The following NAALADL2 variants were observed in gnomAD, a reference collection of about 807,000 sequenced individuals.
NAALADL2 encodes the protein inactive N-acetylated-alpha-linked acidic dipeptidase-like protein 2.
Under a neutral mutation model 87.2 loss-of-function variants are expected in NAALADL2, and 76 were observed. The ratio of observed to expected loss-of-function variants is 0.87; its 90% confidence interval spans 0.72 to 1.05. The LOEUF is 1.05. NAALADL2 is among the 50% of genes least tolerant of loss of function. NAALADL2 has a pLI of 0.00. For synonymous variants in NAALADL2, 354 were observed against 331.0 expected (o/e 1.07, Z -0.75); for missense variants, 1,089 against 945.8 (o/e 1.15, Z -1.99).
intron 2 of NAALADL2, among the ~76,000 whole-genome samples, chr3:174,736,961 T>G (rs997449375): frequency 3.3e-5 from 5 of 152,200 alleles, no homozygotes; most frequent in Non-Finnish European, 7.3e-5. Flanking sequence ...GCCCCAAGCC[T>G]GCGCACACCC....
At chr3:175,061,728 A>AATAT (rs149495848) in intron 1 of NAALADL2, among the ~76,000 whole-genome samples, 5,223 of 141,478 alleles carry the variant, frequency 0.037, 117 homozygotes, top group African/African-American at 0.053. Context: ...CACTTGCACA[A>AATAT]ATATATATAT....
At chr3:174,611,977 T>C (rs1013725281) in intron 2 of NAALADL2, among the ~76,000 whole-genome samples, 2 of 152,096 alleles carry the variant, frequency 1.3e-5, no homozygotes, top group African/African-American at 2.4e-5. Context: ...AGGACAGATC[T>C]TGTGTTGACA....
At chr3:175,245,345 A>C (rs1747772224) in intron 3 of NAALADL2, among the ~76,000 whole-genome samples, 1 of 152,212 alleles carries the variant, frequency 6.6e-6, no homozygotes, top group South Asian at 2.1e-4. Flanking sequence ...GAAATATTAG[A>C]TTAAACTTGC....
intron 2 of NAALADL2, among the ~76,000 whole-genome samples, chr3:174,603,317 T>A (rs1159734122): frequency 6.6e-6 from 1 of 152,072 alleles, no homozygotes; most frequent in Non-Finnish European, 1.5e-5. Flanking sequence ...GGTTTTGGAT[T>A]TCTTCATGGT....
intron 3 of NAALADL2, among the ~76,000 whole-genome samples, chr3:174,808,255 A>C (rs2109281771): frequency 6.6e-6 from 1 of 152,232 alleles, no homozygotes; most frequent in Non-Finnish European, 1.5e-5. Flanking sequence ...CAATATAAAA[A>C]TTGAAGTCTA....
intron 1 of NAALADL2, among the ~76,000 whole-genome samples, chr3:175,052,370 C>A (rs573246837): frequency 9.2e-5 from 14 of 152,150 alleles, no homozygotes; most frequent in Non-Finnish European, 1.9e-4. Flanking sequence ...CAGTTTATGG[C>A]CAGATTTTGT....
chr3:175,055,922 C>T (rs1051558272), intron 1 of NAALADL2, among the ~76,000 whole-genome samples: 2 of 152,148 alleles, frequency 1.3e-5, no homozygotes, highest in South Asian at 2.1e-4. Flanking sequence ...AATGTGCTTT[C>T]CTGAATTTAA....
At chr3:174,510,750 A>AT (rs1302797614) in intron 1 of NAALADL2, among the ~76,000 whole-genome samples, 2 of 151,104 alleles carry the variant, frequency 1.3e-5, no homozygotes, top group African/African-American at 4.9e-5. Context: ...TTAGGGTTCA[A>AT]TTTTTTTACT....
intron 1 of NAALADL2, among the ~76,000 whole-genome samples, chr3:174,514,456 A>T (rs1422861516): frequency 6.6e-6 from 1 of 152,310 alleles, no homozygotes; most frequent in East Asian, 1.9e-4. Context: ...ATAAAATATG[A>T]AATGCTTATA....
chr3:175,446,099 C>A (rs987257911), intron 5 of NAALADL2, among the ~76,000 whole-genome samples: 1 of 152,014 alleles, frequency 6.6e-6, no homozygotes, highest in Admixed American at 6.6e-5. Context: ...TATTAATAGA[C>A]CTGTTTTTGG....
chr3:175,306,469 C>T (rs370735105), intron 4 of NAALADL2, among the ~76,000 whole-genome samples: 1 of 152,148 alleles, frequency 6.6e-6, no homozygotes, highest in Non-Finnish European at 1.5e-5. Flanking sequence ...AATCCATACT[C>T]ATTTTGTCTC....
upstream of NAALADL2, among the ~76,000 whole-genome samples, chr3:174,855,370 T>C (rs2109500718): frequency 6.6e-6 from 1 of 152,306 alleles, no homozygotes; most frequent in African/African-American, 2.4e-5. Context: ...ACATCATTAT[T>C]CAGTGCATGA....
chr3:175,486,198 CCACTGCA>C (rs1275741564), intron 9 of NAALADL2, among the ~76,000 whole-genome samples: 2 of 152,162 alleles, frequency 1.3e-5, no homozygotes, highest in African/African-American at 4.8e-5. Flanking sequence ...CCTTATTTTT[CCACTGCA>C]AGACTACATC....
At chr3:175,657,743 G>T (rs1317664942) in intron 11 of NAALADL2, among the ~76,000 whole-genome samples, 1 of 146,224 alleles carries the variant, frequency 6.8e-6, no homozygotes, top group African/African-American at 2.7e-5. Flanking sequence ...AACACGCCCG[G>T]CTAATTTTTT....
chr3:174,890,172 A>G (rs547883080), intron 1 of NAALADL2, among the ~76,000 whole-genome samples: 1 of 143,802 alleles, frequency 7.0e-6, no homozygotes, highest in African/African-American at 2.6e-5. Context: ...TAGATTATGT[A>G]TAGTAATAAA....
intron 10 of NAALADL2, among the ~76,000 whole-genome samples, chr3:175,576,801 C>T (rs1488984386): frequency 2.6e-5 from 4 of 152,108 alleles, no homozygotes; most frequent in Admixed American, 2.0e-4. Flanking sequence ...CCTGTTGGGA[C>T]ATTTTACCTT....
intron 1 of NAALADL2, among the ~76,000 whole-genome samples, chr3:175,026,761 G>C (rs929338081): frequency 3.9e-5 from 6 of 152,066 alleles, no homozygotes; most frequent in African/African-American, 1.4e-4. Flanking sequence ...GTGTTGCAGA[G>C]ATCCTAAACT....
At chr3:175,727,104 A>G (rs754411327) in intron 11 of NAALADL2, among the ~76,000 whole-genome samples, 10 of 152,090 alleles carry the variant, frequency 6.6e-5, no homozygotes, top group Non-Finnish European at 1.2e-4. Flanking sequence ...ATTTTTCATC[A>G]TGTCCAAGTG....
chr3:175,773,802 G>A lies in NAALADL2; in HGVS notation c.2189+18384G>A, dbSNP rs375340571. On this transcript the variant is annotated intron_variant, in intron 13 of 13. Transcript: ENST00000454872. ...ATAAAAAATATGGCAGTAAACACTA[G>A]CTATTTGCTACTGATTGAAAAGCAA... 3.3e-5 allele frequency: 5 copies of A among 152,140 alleles called. No individual in the cohort carries two copies. In the East Asian group the frequency reaches 7.7e-4, roughly 24 times the overall value. 9.4% of individuals were successfully genotyped at this position (152,140 alleles called of 1,614,324 possible).
Sources: gnomAD v4.1 joint callset for allele counts (sites outside exome capture counted in the v4.1 genomes callset) on GRCh38, gnomAD v4.1.1 for gene constraint, MANE v1.5 for transcripts, NCBI Gene and HGNC (gene_info 2026-07-23, HGNC 2026-07-21) for gene names.